CAMTA1: variants seen among roughly 807,000 people sequenced by gnomAD.
CAMTA1 encodes the protein calmodulin-binding transcription activator 1.
CAMTA1 carries 27 observed loss-of-function variants against 170.9 expected under a neutral mutation model. The ratio of observed to expected loss-of-function variants is 0.16; its 90% confidence interval spans 0.12 to 0.22. The LOEUF (loss-of-function observed/expected upper bound fraction) is 0.22, where lower values mean the gene tolerates loss of function less well. Among genes scored for constraint, CAMTA1 ranks in the 10% least tolerant of loss-of-function variants. The pLI is 1.00. For synonymous variants in CAMTA1, 833 were observed against 891.5 expected (o/e 0.93, Z 1.17); for missense variants, 1,619 against 2,217.2 (o/e 0.73, Z 5.42).
At chr1:7,141,795 G>T (rs1196604806) in intron 4 of CAMTA1, among the ~76,000 whole-genome samples, 1 of 152,162 alleles carries the variant, frequency 6.6e-6, no homozygotes, top group Non-Finnish European at 1.5e-5. Flanking sequence ...CTGCCAGCTG[G>T]CAGAAGGATG....
At chr1:7,314,384 T>C (rs1331279180) in intron 5 of CAMTA1, among the ~76,000 whole-genome samples, 5 of 152,230 alleles carry the variant, frequency 3.3e-5, no homozygotes, top group Admixed American at 3.3e-4. Flanking sequence ...GGCCTTGCAA[T>C]GGGAGCCCCA....
chr1:7,627,047 A>G (rs889056590), intron 6 of CAMTA1, among the ~76,000 whole-genome samples: 3 of 152,166 alleles, frequency 2.0e-5, no homozygotes, highest in Non-Finnish European at 2.9e-5. Context: ...CATTGGCCCA[A>G]GGGACTCCTA....
chr1:7,326,292 G>A (rs967124234), intron 5 of CAMTA1, among the ~76,000 whole-genome samples: 1 of 152,232 alleles, frequency 6.6e-6, no homozygotes, highest in African/African-American at 2.4e-5. Context: ...TCTGCAGAGA[G>A]CTGCCTTACA....
chr1:6,943,846 C>CAAAAA (rs1198830005), intron 3 of CAMTA1, among the ~76,000 whole-genome samples: 51 of 51,360 alleles, frequency 9.9e-4, no homozygotes, highest in East Asian at 2.2e-3. Flanking sequence ...GACTCTGTCT[C>CAAAAA]AAAAAAAAAA....
chr1:7,174,641 C>T (rs930543284), intron 4 of CAMTA1, among the ~76,000 whole-genome samples: 1 of 152,190 alleles, frequency 6.6e-6, no homozygotes, highest in African/African-American at 2.4e-5. Context: ...GCATTTAGGG[C>T]GACTGCATAA....
rs1327872857 is a variant in CAMTA1 at position 7,671,034 on chromosome 1, C to G, written c.2776C>G (p.Pro926Ala). The change falls in exon 10 of 23, where the codon CCA (proline) becomes GCA (alanine). Residue 926 changes from proline (P) to alanine (A), a missense_variant. By Grantham distance (27) the Pro-to-Ala change is conservative (BLOSUM62 -1). Around this residue, in one of 8 missense-constraint regions of CAMTA1, gnomAD observed 29 missense variants for 70.9 expected, o/e 0.41. Coordinates refer to ENST00000303635, the MANE Select transcript of CAMTA1 (RefSeq NM_015215.4). Reference sequence around the variant, plus strand: ...GCCTGGGGTGCTGCGCTGCTACTGCCCAGGTGAGAAAGCCGCCCCCCAGGC... The same window carrying G: ...GCCTGGGGTGCTGCGCTGCTACTGCGCAGGTGAGAAAGCCGCCCCCCAGGC... Reference protein sequence around the residue: ...IQPGVLRCYCPAHDTGLVTLQ... With the variant: ...IQPGVLRCYCAAHDTGLVTLQ... 2.5e-6 allele frequency: 4 copies of G among 1,613,184 alleles called. No homozygotes were observed. Among genetic ancestry groups the G allele is most frequent in the Non-Finnish European group, 3.4e-6 (4 of 1,179,892 alleles).
intron 3 of CAMTA1, among the ~76,000 whole-genome samples, chr1:6,966,178 T>G (rs549024156): frequency 1.3e-4 from 20 of 152,218 alleles, no homozygotes; most frequent in Non-Finnish European, 2.9e-4. Flanking sequence ...TTTTAATTTT[T>G]AAAATTACGA....
intron 2 of CAMTA1, among the ~76,000 whole-genome samples, chr1:6,822,938 G>A (rs1376877212): frequency 1.3e-5 from 2 of 152,050 alleles, no homozygotes; most frequent in African/African-American, 4.8e-5. Flanking sequence ...AGAAGCTGGG[G>A]TTTAAAACTC....
chr1:7,343,107 G>A (rs1289112568), intron 5 of CAMTA1, among the ~76,000 whole-genome samples: 1 of 152,210 alleles, frequency 6.6e-6, no homozygotes, highest in East Asian at 1.9e-4. Flanking sequence ...AGATCGCCCA[G>A]TCTAGCCCAG....
chr1:7,181,645 A>C (rs1652184070), intron 4 of CAMTA1, among the ~76,000 whole-genome samples: 1 of 152,340 alleles, frequency 6.6e-6, no homozygotes, highest in South Asian at 2.1e-4. Context: ...ACTTAGGAAT[A>C]AACTTAGAAA....
intron 5 of CAMTA1, among the ~76,000 whole-genome samples, chr1:7,324,720 T>G (rs1210700291): frequency 6.6e-6 from 1 of 150,604 alleles, no homozygotes; most frequent in East Asian, 1.9e-4. Context: ...GGCAGGAGAA[T>G]CACTTGAACC....
chr1:7,656,624 G>A (rs1038613781), intron 7 of CAMTA1, among the ~76,000 whole-genome samples: 3 of 152,222 alleles, frequency 2.0e-5, no homozygotes, highest in African/African-American at 4.8e-5. Flanking sequence ...GAAGCTCTCC[G>A]CCGCTTCCCA....
chr1:6,860,701 A>G (rs1264545756), intron 3 of CAMTA1, among the ~76,000 whole-genome samples: 2 of 152,160 alleles, frequency 1.3e-5, no homozygotes, highest in Non-Finnish European at 2.9e-5. Flanking sequence ...CTTGGAGGTC[A>G]GGAGTTCAAG....
At position 7,633,507 on chromosome 1, in the gene CAMTA1, C is replaced by T. The variant is rs1301401472; in HGVS notation, c.511-6893C>T. 6.6e-6 allele frequency among the ~76,000 whole-genome samples: 1 copy of T among 152,216 alleles called. No homozygotes were observed. The highest frequency in any genetic ancestry group is 1.9e-4 in the East Asian group (1 of 5,190). ...ACCGACTCCTTCCCCGCACCCTAGT[C>T]TCTGTCTGTCCCTCTAGAAGACATG... On this transcript the variant is annotated intron_variant, in intron 6 of 22. Coordinates refer to ENST00000303635, the MANE Select transcript of CAMTA1 (RefSeq NM_015215.4). The surrounding 1 kb of genome is among the most constrained non-coding windows in gnomAD (Gnocchi z 4.1).
At chr1:7,718,870 A>G (rs201113343) in intron 11 of CAMTA1, among the ~76,000 whole-genome samples, 2 of 26,140 alleles carry the variant, frequency 7.7e-5, no homozygotes, top group African/African-American at 1.4e-4. Context: ...TTTTTTTTTT[A>G]AAGACCTCAT....
intron 5 of CAMTA1, among the ~76,000 whole-genome samples, chr1:7,415,058 G>A (rs1314472586): frequency 6.6e-6 from 1 of 152,048 alleles, no homozygotes; most frequent in African/African-American, 2.4e-5. Context: ...TTTCCATGTA[G>A]TTGAGCAGTT....
chr1:7,106,270 G>A (rs1343456166), intron 4 of CAMTA1, among the ~76,000 whole-genome samples: 1 of 151,524 alleles, frequency 6.6e-6, no homozygotes, highest in Non-Finnish European at 1.5e-5. Context: ...GAGAGAGAGA[G>A]AGAAAGAAAG....
intron 3 of CAMTA1, among the ~76,000 whole-genome samples, chr1:7,079,404 G>A (rs1639721980): frequency 6.6e-6 from 1 of 152,044 alleles, no homozygotes; most frequent in African/African-American, 2.4e-5. Flanking sequence ...CCCCAAGCAA[G>A]GTAAATACAA....
intron 3 of CAMTA1, among the ~76,000 whole-genome samples, chr1:6,939,228 G>A (rs567447641): frequency 2.6e-5 from 4 of 152,134 alleles, no homozygotes; most frequent in Middle Eastern, 3.2e-3. Context: ...GGGGAACTGC[G>A]GGCAAAGAAA....
Sources: gnomAD v4.1 joint callset for allele counts (sites outside exome capture counted in the v4.1 genomes callset) on GRCh38, gnomAD v4.1.1 for gene constraint, gnomAD v4.1.1 regional missense constraint, Gnocchi (gnomAD v3.1) non-coding constraint, MANE v1.5 for transcripts, NCBI Gene and HGNC (gene_info 2026-07-23, HGNC 2026-07-21) for gene names.